ABHD12: variants seen among roughly 807,000 people sequenced by gnomAD.
ABHD12 encodes the protein abhydrolase domain containing 12, lysophospholipase, also known as lysophosphatidylserine lipase ABHD12.
In ABHD12, 43 loss-of-function variants were observed where a neutral mutation model predicts 58.3. That is an observed-to-expected ratio of 0.74 (90% CI 0.58 to 0.95). ABHD12 has a LOEUF of 0.95. Among genes scored for constraint, ABHD12 ranks in the 40% least tolerant of loss-of-function variants. The pLI, the probability that ABHD12 is intolerant of heterozygous loss-of-function variation, is 0.00. For missense variants in ABHD12, 539 were observed against 537.2 expected, an observed-to-expected ratio of 1.00 and a Z score of -0.03; for synonymous variants, 219 against 211.2, an observed-to-expected ratio of 1.04 and a Z score of -0.32.
intron 2 of ABHD12, among the ~76,000 whole-genome samples, chr20:25,335,473 C>T (rs2146022860): frequency 6.9e-6 from 1 of 145,188 alleles, no homozygotes; most frequent in Middle Eastern, 3.4e-3. Context: ...ACCCAAAGGA[C>T]TATAAATCAT....
At chr20:25,338,878 T>A in intron 2 of ABHD12, 3 of 1,092,928 alleles carry the variant, frequency 2.7e-6, no homozygotes, top group Non-Finnish European at 3.4e-6. Context: ...TCAACATTTT[T>A]ACTCACCTCA....
intron 1 of ABHD12, among the ~76,000 whole-genome samples, chr20:25,358,947 T>C (rs2089703935): frequency 6.6e-6 from 1 of 152,064 alleles, no homozygotes; most frequent in Non-Finnish European, 1.5e-5. Context: ...AAAATATAGG[T>C]GTATGAACAG....
At chr20:25,365,820 G>A (rs1336123950) in intron 1 of ABHD12, among the ~76,000 whole-genome samples, 1 of 152,144 alleles carries the variant, frequency 6.6e-6, no homozygotes, top group African/African-American at 2.4e-5. Context: ...AGGCTGAGGT[G>A]GGAGGATTGC....
intron 2 of ABHD12, among the ~76,000 whole-genome samples, chr20:25,323,893 G>A (rs770978729): frequency 2.0e-5 from 3 of 152,222 alleles, no homozygotes; most frequent in Non-Finnish European, 4.4e-5. Flanking sequence ...GAAAGGGGAT[G>A]GCGCTGCAGG....
intron 1 of ABHD12, among the ~76,000 whole-genome samples, chr20:25,362,083 T>C (rs1214468577): frequency 6.6e-6 from 1 of 150,616 alleles, no homozygotes; most frequent in Non-Finnish European, 1.5e-5. Context: ...GAGACTAGCC[T>C]GGCCAACATG....
intron 1 of ABHD12, among the ~76,000 whole-genome samples, chr20:25,368,962 A>G (rs1476269886): frequency 6.6e-6 from 1 of 152,104 alleles, no homozygotes; most frequent in African/African-American, 2.4e-5. Flanking sequence ...CTTTCTATCA[A>G]AAATTAAAAA....
At chr20:25,339,111 T>C in intron 2 of ABHD12, 116 bp downstream of exon 2, 1 of 1,505,078 alleles carries the variant, frequency 6.6e-7, no homozygotes, top group Non-Finnish European at 9.1e-7. Context: ...TATGTACCCT[T>C]CACTGTATGT....
chr20:25,303,141 A>G, intron 11 of ABHD12: 1 of 886,368 alleles, frequency 1.1e-6, no homozygotes, highest in Non-Finnish European at 1.4e-6. Context: ...TGACCCCTGC[A>G]ATGGGCTTGG....
At chr20:25,319,253 G>A (rs990978089) in intron 4 of ABHD12, among the ~76,000 whole-genome samples, 7 of 152,320 alleles carry the variant, frequency 4.6e-5, no homozygotes, top group African/African-American at 1.7e-4. Flanking sequence ...GCAATCACAT[G>A]GTGTGGAAGG....
At chr20:25,375,078 T>C (rs1056326486) in intron 1 of ABHD12, among the ~76,000 whole-genome samples, 3 of 152,120 alleles carry the variant, frequency 2.0e-5, no homozygotes, top group African/African-American at 7.2e-5. Flanking sequence ...CTCAGCTTTG[T>C]AAGAAGAAAT....
rs2090161909 is a variant in ABHD12 at position 25,390,582 on chromosome 20, C to T, written c.122G>A (p.Arg41His). Residue 41 changes from arginine (R) to histidine (H), a missense_variant, in exon 1 of 13, where the codon CGC (arginine) becomes CAC (histidine). Coordinates refer to ENST00000339157, the MANE Select transcript of ABHD12 (RefSeq NM_001042472.3). ...DADCRLKQNL[R>H]LTGPAAAEPR... ...CTCAGCCGCCGCCGGGCCCGTCAGG[C>T]GTAGGTTCTGCTTCAGGCGGCAGTC... 1.4e-6 allele frequency: 2 copies of T among 1,477,648 alleles called. No homozygotes were observed. The highest frequency in any genetic ancestry group is 1.8e-6 in the Non-Finnish European group (2 of 1,121,106). 91.5% of individuals were successfully genotyped at this position (1,477,648 alleles called of 1,614,324 possible).
At chr20:25,336,191 T>C (rs1376283140) in intron 2 of ABHD12, among the ~76,000 whole-genome samples, 4 of 152,158 alleles carry the variant, frequency 2.6e-5, no homozygotes, top group African/African-American at 9.7e-5. Flanking sequence ...AAAGCACATA[T>C]ATTTATGTGC....
At chr20:25,347,573 C>A (rs909607926) in intron 1 of ABHD12, among the ~76,000 whole-genome samples, 1 of 151,952 alleles carries the variant, frequency 6.6e-6, no homozygotes, top group African/African-American at 2.4e-5. Flanking sequence ...ACCTGTAATC[C>A]CAGCACTTTG....
At chr20:25,381,193 T>C (rs189547286) in intron 1 of ABHD12, among the ~76,000 whole-genome samples, 8 of 152,178 alleles carry the variant, frequency 5.3e-5, no homozygotes, top group Non-Finnish European at 8.8e-5. Flanking sequence ...CATTCACATG[T>C]CTCCTTGTCA....
intron 5 of ABHD12, among the ~76,000 whole-genome samples, chr20:25,316,182 C>T (rs1397391018): frequency 2.0e-5 from 3 of 151,740 alleles, no homozygotes; most frequent in Admixed American, 1.3e-4. Context: ...TTTTTTGAGA[C>T]GGAGTCTTGC....
intron 1 of ABHD12, among the ~76,000 whole-genome samples, chr20:25,366,250 A>G (rs960937151): frequency 6.6e-6 from 1 of 151,688 alleles, no homozygotes; most frequent in African/African-American, 2.4e-5. Context: ...TTCATATTAC[A>G]AAGTCAAATT....
intron 1 of ABHD12, among the ~76,000 whole-genome samples, chr20:25,373,273 G>A (rs117064321): frequency 2.0e-5 from 3 of 152,156 alleles, no homozygotes; most frequent in South Asian, 2.1e-4. Context: ...AAGGCCAGGC[G>A]CAGTGACTCA....
At chr20:25,358,674 A>G (rs1465338602) in intron 1 of ABHD12, among the ~76,000 whole-genome samples, 3 of 152,122 alleles carry the variant, frequency 2.0e-5, no homozygotes, top group African/African-American at 7.2e-5. Context: ...GTGGCAGGAG[A>G]CCTATGCAGA....
chr20:25,308,614 G>A, intron 7 of ABHD12, 120 bp from the exon 8 acceptor site: 3 of 1,241,104 alleles, frequency 2.4e-6, no homozygotes, highest in Admixed American at 2.0e-5. Context: ...GGAGTTTCAG[G>A]ACAGAGTGGG....
Sources: allele counts gnomAD v4.1 joint callset (sites outside exome capture counted in the v4.1 genomes callset), GRCh38; gene constraint gnomAD v4.1.1; transcripts MANE v1.5; gene names NCBI Gene and HGNC (gene_info 2026-07-23, HGNC 2026-07-21).